SPON2: variants seen among roughly 807,000 people sequenced by gnomAD.
SPON2 encodes the protein spondin 2.
In SPON2, 32 loss-of-function variants were observed where a neutral mutation model predicts 29.9. The ratio of observed to expected loss-of-function variants is 1.07; its 90% CI spans 0.81 to 1.44. SPON2 has a LOEUF of 1.44. Among genes scored for constraint, SPON2 ranks in the 40% most tolerant of loss-of-function variants. SPON2 has a pLI of 0.00. For missense variants in SPON2, 541 were observed against 455.5 expected (o/e 1.19, Z -1.71); for synonymous variants, 248 against 209.1 (o/e 1.19, Z -1.61).
At chr4:1,195,628 G>A (rs1265150727), upstream of SPON2, among the ~76,000 whole-genome samples, 2 of 152,164 alleles carry the variant, frequency 1.3e-5, no homozygotes, top group Non-Finnish European at 2.9e-5. Context: ...GTGCAAAACC[G>A]CCATCACAGC....
chr4:1,167,454 G>A lies in SPON2; in HGVS notation c.*18C>T, dbSNP rs545386002. On this transcript the variant is annotated 3_prime_UTR_variant, in exon 6 of 6. Coordinates refer to ENST00000290902, the MANE Select transcript of SPON2 (RefSeq NM_012445.4). ...CCCCATGGCTCCGGGGGGCCCCAGGGGCTGCGGGGCTCTGGTCTTAGACGC... is the reference window on the plus strand; with the variant it reads ...CCCCATGGCTCCGGGGGGCCCCAGGAGCTGCGGGGCTCTGGTCTTAGACGC... 1.7e-4 allele frequency: 274 copies of A among 1,606,512 alleles called. No homozygotes were observed. The highest frequency in any genetic ancestry group is 2.3e-4 in the Non-Finnish European group (265 of 1,175,696).
chr4:1,188,710 AT>A lies in SPON2; in HGVS notation c.-239+6279del, dbSNP rs568853772. On this transcript the variant is annotated intron_variant, in intron 1 of 3. Coordinates refer to the SPON2 transcript ENST00000502483. Reference sequence around the variant, plus strand: ...GAAATGATGAAGGGCAAAATGGACAATTCAACAATAACAGCTGGAGACTTCC... The same window carrying A: ...GAAATGATGAAGGGCAAAATGGACAATCAACAATAACAGCTGGAGACTTCC... Among the ~76,000 whole-genome samples, 17 of 152,360 alleles carry A rather than the reference AT, an allele frequency of 1.1e-4. No homozygotes were observed. In the East Asian group the frequency reaches 3.3e-3, roughly 29 times the overall value.
At chr4:1,168,728 G>A (rs547106885) in intron 5 of SPON2, among the ~76,000 whole-genome samples, 22 of 152,348 alleles carry the variant, frequency 1.4e-4, no homozygotes, top group Admixed American at 3.3e-4. Context: ...GAGTCAGTGA[G>A]CACTGGCAGT....
At chr4:1,196,407 G>T (rs765447184), upstream of SPON2, among the ~76,000 whole-genome samples, 1 of 152,240 alleles carries the variant, frequency 6.6e-6, no homozygotes, top group Non-Finnish European at 1.5e-5. Context: ...TACCGTGGAA[G>T]CAGCTGCGGG....
intron 1 of SPON2, among the ~76,000 whole-genome samples, chr4:1,188,488 A>G (rs185351649): frequency 1.3e-5 from 2 of 152,326 alleles, no homozygotes; most frequent in East Asian, 1.9e-4. Context: ...GAAGTAAAAG[A>G]GCAAAGATAG....
At chr4:1,196,032 C>T (rs984890402), upstream of SPON2, among the ~76,000 whole-genome samples, 7 of 152,162 alleles carry the variant, frequency 4.6e-5, no homozygotes, top group African/African-American at 1.7e-4. Flanking sequence ...TAGTTCCTGG[C>T]ACCCTCCCCT....
At chr4:1,180,269 CTCTG>C (rs974457926) in intron 1 of SPON2, among the ~76,000 whole-genome samples, 5 of 152,178 alleles carry the variant, frequency 3.3e-5, no homozygotes, top group Admixed American at 6.5e-5. Context: ...TTAAGGAAAT[CTCTG>C]TCTGGCCATT....
chr4:1,183,683 G>C (rs1194897011), intron 1 of SPON2, among the ~76,000 whole-genome samples: 3 of 152,154 alleles, frequency 2.0e-5, no homozygotes, highest in Non-Finnish European at 4.4e-5. Context: ...AACTGAAAGA[G>C]GTAGGATAGA....
chr4:1,171,903 G>C lies in SPON2; in HGVS notation c.169C>G (p.Pro57Ala), dbSNP rs562953830. ...FTGKWSQTAF[P>A]KQYPLFRPPA... ...GGGCGGAACAGGGGGTACTGCTTGG[G>C]GAAGGCCGTCTGGCTCCACTTGCCC... The change falls in exon 2 of 6, where the codon CCC becomes GCC. Residue 57 changes from proline (P) to alanine (A), a missense_variant. Physicochemically the swap from Pro to Ala is conservative, Grantham distance 27 (BLOSUM62 -1). Transcript: ENST00000290902. 2.0e-5 allele frequency: 32 copies of C among 1,612,996 alleles called. No homozygotes were observed. The highest frequency in any genetic ancestry group is 2.6e-5 in the Non-Finnish European group (31 of 1,179,926).
At chr4:1,185,176 C>A (rs1167400702) in intron 1 of SPON2, among the ~76,000 whole-genome samples, 5 of 151,408 alleles carry the variant, frequency 3.3e-5, no homozygotes, top group Non-Finnish European at 7.4e-5. Context: ...TGGGTTCAAG[C>A]AATTCTCCTT....
At chr4:1,180,307 G>A (rs1332105622) in intron 1 of SPON2, among the ~76,000 whole-genome samples, 2 of 152,208 alleles carry the variant, frequency 1.3e-5, no homozygotes, top group Non-Finnish European at 2.9e-5. Flanking sequence ...GCTAACTGAG[G>A]AGAGACTTAG....
In SPON2 at chr4:1,202,078, G is replaced by A. The variant is rs370338137; in HGVS notation, c.-234+5802C>T. Among the ~76,000 whole-genome samples, 6 of 152,196 alleles carry A rather than the reference G, an allele frequency of 3.9e-5. No individual in the cohort carries two copies. The East Asian group carries it at 5.8e-4, about 15-fold the overall frequency. Reference sequence around the variant, plus strand: ...AACACGTTCATCATCCGCAGAAGACGTCCTGTGCCTGTTAGCAACCGCTCC... The same window carrying A: ...AACACGTTCATCATCCGCAGAAGACATCCTGTGCCTGTTAGCAACCGCTCC... On this transcript the variant is annotated intron_variant, in intron 1 of 3. Transcript: ENST00000509233. This position sits in a 1 kb window ranked among gnomAD's most constrained non-coding sequence, Gnocchi z 5.4.
intron 2 of SPON2, 176 bp from the exon 3 acceptor site, chr4:1,171,662 C>G: frequency 2.6e-6 from 2 of 779,580 alleles, no homozygotes; most frequent in East Asian, 5.3e-5. Flanking sequence ...GCGCCCTCCC[C>G]GTGAGCGCCC....
At position 1,167,531 on chromosome 4, in the gene SPON2, CGTT is replaced by C. The variant is rs1560199002; in HGVS notation, c.934_936del (p.Asn312del). 6.2e-7 allele frequency: 1 copy of C among 1,613,802 alleles called. No individual in the cohort carries two copies. The stretch of plus-strand genomic sequence containing the variant: ...TCTTCGAGCTCGGGGCAGGGGCTCC[CGTT>C]GTTGGCGGGCTGGACCCGGACGTAG... On this transcript the variant is annotated inframe_deletion, in exon 6 of 6. Transcript: ENST00000290902.
At position 1,171,367 on chromosome 4, in the gene SPON2, C is replaced by G. The variant is rs756970484; in HGVS notation, c.340G>C (p.Gly114Arg). The change falls in exon 3 of 6, where the codon GGG (glycine) becomes CGG (arginine). Residue 114 changes from glycine (G) to arginine (R), a missense_variant. Coordinates refer to ENST00000290902, the MANE Select transcript of SPON2 (RefSeq NM_012445.4). Reference protein sequence around the residue: ...WALMKEIEAAGEALQSVHAVF... With the variant: ...WALMKEIEAAREALQSVHAVF... The stretch of plus-strand genomic sequence containing the variant: ...GCGTGCACGCTCTGCAGCGCCTCCC[C>G]CGCCGCCTCGATCTCCTTCATCAGC... 1.9e-6 allele frequency: 3 copies of G among 1,611,752 alleles called. No homozygotes were observed. Among genetic ancestry groups the G allele is most frequent in the African/African-American group, 1.3e-5 (1 of 75,018 alleles).
At chr4:1,187,196 T>C (rs1727822918) in intron 1 of SPON2, among the ~76,000 whole-genome samples, 1 of 152,194 alleles carries the variant, frequency 6.6e-6, no homozygotes, top group South Asian at 2.1e-4. Context: ...AATTTCACCT[T>C]ACAAAGGAAG....
At chr4:1,175,481 G>A (rs1338040185), upstream of SPON2, among the ~76,000 whole-genome samples, 1 of 152,168 alleles carries the variant, frequency 6.6e-6, no homozygotes, top group Admixed American at 6.5e-5. Context: ...CAGGCTGGGG[G>A]GTCTCCAGCT....
intron 1 of SPON2, among the ~76,000 whole-genome samples, chr4:1,182,307 T>TAA (rs750072468): frequency 1.1e-3 from 172 of 152,142 alleles, no homozygotes; most frequent in Non-Finnish European, 1.6e-3. Flanking sequence ...ACAACTGTCT[T>TAA]AAAGATGCTC....
upstream of SPON2, among the ~76,000 whole-genome samples, chr4:1,198,714 G>C (rs1311541550): frequency 6.6e-6 from 1 of 152,112 alleles, no homozygotes; most frequent in East Asian, 1.9e-4. Flanking sequence ...CCAGGCTTAC[G>C]AGGGCAGCGC....
Sources: gnomAD v4.1 joint callset for allele counts (sites outside exome capture counted in the v4.1 genomes callset) on GRCh38, gnomAD v4.1.1 for gene constraint, Gnocchi (gnomAD v3.1) non-coding constraint, MANE v1.5 for transcripts, NCBI Gene and HGNC (gene_info 2026-07-23, HGNC 2026-07-21) for gene names.